The following SLC35F1 variants were observed in gnomAD, a reference collection of about 807,000 sequenced individuals.
SLC35F1 encodes solute carrier family 35 member F1.
A neutral mutation model predicts 48.7 loss-of-function variants in SLC35F1; 14 were observed. That is an observed-to-expected ratio of 0.29 (90% CI 0.19 to 0.45). SLC35F1 has a LOEUF of 0.45. Ranked by LOEUF, SLC35F1 falls within the 20% of genes least tolerant of loss-of-function variation. The probability of loss-of-function intolerance (pLI) is 1.00; values close to 1 mark genes in which losing one functional copy is unlikely to be tolerated. For missense variants in SLC35F1, 404 were observed against 500.0 expected (o/e 0.81, Z 1.83); for synonymous variants, 190 against 202.2 (o/e 0.94, Z 0.51).
intron 1 of SLC35F1, among the ~76,000 whole-genome samples, chr6:118,062,413 T>C (rs969196835): frequency 2.6e-5 from 4 of 152,314 alleles, no homozygotes; most frequent in Non-Finnish European, 1.5e-5. Context: ...ATTTATGGGG[T>C]ACATGAGGTA....
chr6:118,312,049 A>G (rs758277089), intron 7 of SLC35F1, among the ~76,000 whole-genome samples: 3 of 152,172 alleles, frequency 2.0e-5, no homozygotes, highest in African/African-American at 7.2e-5. Flanking sequence ...AGGTTAAGAA[A>G]TGTGTCCAGA....
intron 1 of SLC35F1, among the ~76,000 whole-genome samples, chr6:118,050,488 T>G (rs2114909558): frequency 6.6e-6 from 1 of 151,852 alleles, no homozygotes. Flanking sequence ...AGTGGCTAAC[T>G]TTGACTGTGA....
chr6:118,247,012 C>T (rs1438544898), intron 3 of SLC35F1, among the ~76,000 whole-genome samples: 1 of 152,196 alleles, frequency 6.6e-6, no homozygotes, highest in East Asian at 1.9e-4. Context: ...GTCTCCAGCA[C>T]ATAGTAGATG....
intron 7 of SLC35F1, among the ~76,000 whole-genome samples, chr6:118,304,081 A>C (rs945648782): frequency 6.6e-6 from 1 of 152,216 alleles, no homozygotes. Context: ...TACCACACCA[A>C]GGAAGTAAAG....
At chr6:118,034,894 TG>T (rs1364936583) in intron 1 of SLC35F1, among the ~76,000 whole-genome samples, 1 of 152,234 alleles carries the variant, frequency 6.6e-6, no homozygotes, top group Non-Finnish European at 1.5e-5. Flanking sequence ...TGGGTTATAC[TG>T]GCCTTGTAAA....
intron 1 of SLC35F1, among the ~76,000 whole-genome samples, chr6:117,923,154 A>C (rs915105103): frequency 2.6e-5 from 4 of 152,168 alleles, no homozygotes; most frequent in African/African-American, 9.7e-5. Context: ...AAAATCCGTG[A>C]TTATACATGA....
At chr6:118,168,639 C>A (rs1479430922) in intron 2 of SLC35F1, among the ~76,000 whole-genome samples, 1 of 152,120 alleles carries the variant, frequency 6.6e-6, no homozygotes, top group Non-Finnish European at 1.5e-5. Context: ...GTCTCGTCTT[C>A]CTTTACGAGC....
intron 1 of SLC35F1, among the ~76,000 whole-genome samples, chr6:118,063,067 A>G (rs1313241294): frequency 6.6e-6 from 1 of 152,140 alleles, no homozygotes; most frequent in Non-Finnish European, 1.5e-5. Flanking sequence ...TGGTCACAAG[A>G]AGACTAGAAA....
At chr6:118,103,168 C>T (rs1286923571) in intron 1 of SLC35F1, among the ~76,000 whole-genome samples, 1 of 152,098 alleles carries the variant, frequency 6.6e-6, no homozygotes, top group Non-Finnish European at 1.5e-5. Context: ...TTATCATCAA[C>T]CTTAAAAGTT....
chr6:117,965,767 TG>T (rs1297520144), intron 1 of SLC35F1, among the ~76,000 whole-genome samples: 5 of 152,202 alleles, frequency 3.3e-5, no homozygotes, highest in African/African-American at 1.2e-4. Flanking sequence ...GCTGGGCTTC[TG>T]GGTTGGGTGG....
At chr6:118,052,405 T>C (rs543632308) in intron 1 of SLC35F1, among the ~76,000 whole-genome samples, 1 of 152,190 alleles carries the variant, frequency 6.6e-6, no homozygotes, top group African/African-American at 2.4e-5. Flanking sequence ...TGCCTCATTT[T>C]CTGATGTATA....
chr6:118,114,139 G>C (rs1253367012), intron 1 of SLC35F1, among the ~76,000 whole-genome samples: 1 of 152,156 alleles, frequency 6.6e-6, no homozygotes. Context: ...CCTCTGAAAA[G>C]CTGCAGAACT....
At chr6:118,279,548 C>G (rs1388471636) in intron 6 of SLC35F1, among the ~76,000 whole-genome samples, 1 of 152,162 alleles carries the variant, frequency 6.6e-6, no homozygotes, top group Non-Finnish European at 1.5e-5. Context: ...TCTCACCTCA[C>G]AAAATACAGA....
chr6:118,249,787 C>T (rs1052029048), intron 3 of SLC35F1, among the ~76,000 whole-genome samples: 40 of 152,212 alleles, frequency 2.6e-4, no homozygotes, highest in African/African-American at 9.4e-4. Flanking sequence ...TGAGTTGGGG[C>T]CGTTTCTAAT....
chr6:117,999,643 A>G (rs904910324), intron 1 of SLC35F1, among the ~76,000 whole-genome samples: 1 of 152,196 alleles, frequency 6.6e-6, no homozygotes, highest in Non-Finnish European at 1.5e-5. Context: ...CCCTTCAGAA[A>G]ATTAATGAAT....
At chr6:118,081,481 A>C (rs553704651) in intron 1 of SLC35F1, among the ~76,000 whole-genome samples, 2 of 152,080 alleles carry the variant, frequency 1.3e-5, no homozygotes, top group East Asian at 3.9e-4. Context: ...AAATTTTAAA[A>C]AAAAATAGCT....
chr6:117,945,916 A>G (rs538537172), intron 1 of SLC35F1, among the ~76,000 whole-genome samples: 12 of 152,318 alleles, frequency 7.9e-5, no homozygotes, highest in African/African-American at 2.2e-4. Flanking sequence ...CAAAAGAGAG[A>G]GACCAGGGTC....
chr6:118,165,981 A>G (rs761393702), intron 2 of SLC35F1, among the ~76,000 whole-genome samples: 1 of 152,304 alleles, frequency 6.6e-6, no homozygotes, highest in East Asian at 1.9e-4. Context: ...TGGAAACTAC[A>G]GTAAGAACTC....
At chr6:118,001,106 G>A (rs1415705638) in intron 1 of SLC35F1, among the ~76,000 whole-genome samples, 2 of 152,044 alleles carry the variant, frequency 1.3e-5, no homozygotes, top group Non-Finnish European at 2.9e-5. Context: ...CTATTTTAAA[G>A]TTCATATGGA....
Sources: gnomAD v4.1 joint callset for allele counts (sites outside exome capture counted in the v4.1 genomes callset) on GRCh38, gnomAD v4.1.1 for gene constraint, MANE v1.5 for transcripts, NCBI Gene and HGNC (gene_info 2026-07-23, HGNC 2026-07-21) for gene names.